Variants in SAMD12 observed in about 807,000 individuals in gnomAD.
The protein encoded by SAMD12 is sterile alpha motif domain-containing protein 12.
In SAMD12, 9 loss-of-function variants were observed where a neutral mutation model predicts 15.0. That is an observed-to-expected ratio of 0.60 (90% CI 0.36 to 1.05). SAMD12 has a LOEUF of 1.05. Ranked by LOEUF, SAMD12 falls within the 50% of genes least tolerant of loss-of-function variation. The pLI is 0.01. For synonymous variants in SAMD12, 86 were observed against 90.1 expected (o/e 0.96, Z 0.25); for missense variants, 230 against 234.2 (o/e 0.98, Z 0.12).
At chr8:118,419,359 G>A (rs560781396) in intron 3 of SAMD12, among the ~76,000 whole-genome samples, 1 of 152,138 alleles carries the variant, frequency 6.6e-6, no homozygotes, top group Non-Finnish European at 1.5e-5. Context: ...CTATCAACAG[G>A]GGTCTGAGGT....
chr8:118,495,082 T>A (rs2515051), intron 2 of SAMD12, among the ~76,000 whole-genome samples: 2 of 151,984 alleles, frequency 1.3e-5, no homozygotes, highest in Admixed American at 6.6e-5. Flanking sequence ...CACAAGTGTG[T>A]GACATACAGT....
rs189373014 is a variant in SAMD12 at position 118,258,616 on chromosome 8, C to T, written c.434-60884G>A. On this transcript the variant is annotated intron_variant, in intron 4 of 4. Transcript: ENST00000409003. ...TCATATACCTGATCCATTACCCCCC[C>T]TCATATGATTTCTACATGGAAGCAG... Among the ~76,000 whole-genome samples the T allele has an allele frequency of 4.8e-3, 737 of 152,190 alleles. 7 individuals are homozygous for T. Among genetic ancestry groups the T allele is most frequent in the African/African-American group, 0.017 (698 of 41,552 alleles).
intron 1 of SAMD12, among the ~76,000 whole-genome samples, chr8:118,604,658 G>A (rs796333992): frequency 2.6e-5 from 4 of 152,088 alleles, no homozygotes; most frequent in South Asian, 4.1e-4. Context: ...GCGGTGGCTC[G>A]CGCCTGTAAT....
At chr8:118,343,099 G>T (rs1036467165) in intron 4 of SAMD12, among the ~76,000 whole-genome samples, 1 of 152,068 alleles carries the variant, frequency 6.6e-6, no homozygotes, top group African/African-American at 2.4e-5. Context: ...AAGATGAGAA[G>T]GGTTGGCCTG....
At chr8:118,429,784 C>T (rs1023876966) in intron 3 of SAMD12, among the ~76,000 whole-genome samples, 1 of 152,124 alleles carries the variant, frequency 6.6e-6, no homozygotes, top group Non-Finnish European at 1.5e-5. Context: ...ATCCCAGCTA[C>T]TCGGGAGGCT....
chr8:118,214,374 T>C (rs1586350136), intron 4 of SAMD12, among the ~76,000 whole-genome samples: 1 of 152,246 alleles, frequency 6.6e-6, no homozygotes, highest in African/African-American at 2.4e-5. Context: ...TGTTTCAACA[T>C]GCAGCAGCCT....
intron 4 of SAMD12, among the ~76,000 whole-genome samples, chr8:118,223,995 C>T (rs1812135037): frequency 6.6e-6 from 1 of 152,166 alleles, no homozygotes; most frequent in South Asian, 2.1e-4. Flanking sequence ...ATGCCAGGCT[C>T]TATTCTCGAT....
At chr8:118,616,283 C>A (rs1828237430) in intron 1 of SAMD12, among the ~76,000 whole-genome samples, 1 of 152,170 alleles carries the variant, frequency 6.6e-6, no homozygotes, top group Non-Finnish European at 1.5e-5. Context: ...ATGGGAGTTA[C>A]TGTGGGAATC....
the SAMD12 span, among the ~76,000 whole-genome samples, chr8:118,178,471 A>C: frequency 6.6e-6 from 1 of 152,124 alleles, no homozygotes; most frequent in African/African-American, 2.4e-5. Flanking sequence ...TAAATTAAAA[A>C]AAATTGTTTT....
chr8:118,347,854 A>G (rs1364686700), intron 4 of SAMD12, among the ~76,000 whole-genome samples: 1 of 152,182 alleles, frequency 6.6e-6, no homozygotes, highest in Non-Finnish European at 1.5e-5. Context: ...AACTTATCTA[A>G]TAAGAGGTTG....
intron 3 of SAMD12, among the ~76,000 whole-genome samples, chr8:118,380,530 G>GCA (rs1819617350): frequency 6.6e-6 from 1 of 152,116 alleles, no homozygotes; most frequent in Non-Finnish European, 1.5e-5. Flanking sequence ...TCCACTCTGT[G>GCA]CTTGCCCTAA....
intron 2 of SAMD12, among the ~76,000 whole-genome samples, chr8:118,578,162 C>T (rs968321504): frequency 6.6e-6 from 1 of 152,096 alleles, no homozygotes; most frequent in Non-Finnish European, 1.5e-5. Flanking sequence ...TCCCTTTCTA[C>T]TTTAAAATAT....
intron 3 of SAMD12, chr8:118,400,267 C>T (rs761407682): frequency 6.6e-6 from 1 of 152,206 alleles, no homozygotes; most frequent in Non-Finnish European, 1.5e-5. Flanking sequence ...ACTTTCTTCT[C>T]ACTTTTCAGA....
At chr8:118,496,923 C>T (rs1330904345) in intron 2 of SAMD12, among the ~76,000 whole-genome samples, 2 of 151,494 alleles carry the variant, frequency 1.3e-5, no homozygotes, top group East Asian at 1.9e-4. Flanking sequence ...GACATGAACA[C>T]ACACTTCTCA....
intron 2 of SAMD12, among the ~76,000 whole-genome samples, chr8:118,499,373 T>A (rs1313359555): frequency 1.3e-5 from 2 of 152,156 alleles, no homozygotes; most frequent in African/African-American, 4.8e-5. Context: ...ATTACAACAG[T>A]GACTTACTGT....
In SAMD12 at chr8:118,385,554, T is replaced by C. The variant is rs1034530466; in HGVS notation, c.323-5854A>G. Among the ~76,000 whole-genome samples, 5 of 152,184 alleles carry C rather than the reference T, an allele frequency of 3.3e-5. No individual in the cohort carries two copies. The East Asian group carries it at 5.8e-4, about 18-fold the overall frequency. ...TTCTTATAATAAATCTCTCTCTGTA[T>C]GTACATGTATATGTATATGTGTGTA... On this transcript the variant is annotated intron_variant, in intron 3 of 3. Transcript: ENST00000314727.
intron 3 of SAMD12, among the ~76,000 whole-genome samples, chr8:118,434,053 A>C (rs115405926): frequency 0.013 from 1,943 of 152,310 alleles, 31 homozygotes; most frequent in African/African-American, 0.044. Flanking sequence ...AGCCCAGAAA[A>C]ATCAGCCCTG....
intron 3 of SAMD12, among the ~76,000 whole-genome samples, chr8:118,413,257 G>A (rs1821506960): frequency 6.6e-6 from 1 of 152,126 alleles, no homozygotes; most frequent in South Asian, 2.1e-4. Flanking sequence ...ATTTTGGAGG[G>A]TGTGTGTTAT....
intron 4 of SAMD12, among the ~76,000 whole-genome samples, chr8:118,279,035 G>A (rs146549636): frequency 7.2e-5 from 11 of 152,252 alleles, no homozygotes; most frequent in Admixed American, 3.9e-4. Flanking sequence ...AAATGGGTGT[G>A]TTTATATAAT....
Sources: allele counts gnomAD v4.1 joint callset (sites outside exome capture counted in the v4.1 genomes callset), GRCh38; gene constraint gnomAD v4.1.1; transcripts MANE v1.5; gene names NCBI Gene and HGNC (gene_info 2026-07-23, HGNC 2026-07-21).